The following MYLK4 variants were observed in gnomAD, a reference collection of about 807,000 sequenced individuals.
MYLK4 encodes the protein myosin light chain kinase family member 4.
A neutral mutation model predicts 48.1 loss-of-function variants in MYLK4; 46 were observed. The ratio of observed to expected loss-of-function variants is 0.96; its 90% CI spans 0.75 to 1.22. The LOEUF is 1.22. MYLK4 is among the 50% of genes most tolerant of loss of function. MYLK4 has a pLI of 0.00. For synonymous variants in MYLK4, 170 were observed against 180.8 expected (o/e 0.94, Z 0.48); for missense variants, 451 against 486.1 (o/e 0.93, Z 0.68).
At position 2,732,198 on chromosome 6, in the gene MYLK4, A is replaced by G. The variant is rs113780878; in HGVS notation, c.159+16938T>C. On this transcript the variant is annotated intron_variant, in intron 2 of 12. Transcript: ENST00000274643. ...ATAAGCTTCTGGAGTGATGGTAACA[A>G]TACCATTAATAATGATTTTAGCTAC... Among the ~76,000 whole-genome samples, 94 of 152,316 alleles carry G rather than the reference A, an allele frequency of 6.2e-4. No individual in the cohort carries two copies. The Middle Eastern group carries it at 0.014, about 22-fold the overall frequency.
chr6:2,699,274 T>C (rs756467987), intron 2 of MYLK4, among the ~76,000 whole-genome samples: 38 of 100,036 alleles, frequency 3.8e-4, no homozygotes, highest in Non-Finnish European at 6.3e-4. Context: ...TGCTACCACT[T>C]TTCTTTTCTT....
intron 2 of MYLK4, among the ~76,000 whole-genome samples, chr6:2,711,152 C>T (rs1265746666): frequency 2.6e-5 from 4 of 152,192 alleles, no homozygotes; most frequent in Non-Finnish European, 4.4e-5. Context: ...AACTGCTGCT[C>T]AGGTTCATAT....
Position 2,685,341 on chromosome 6 carries a change from T to C in MYLK4, c.500A>G (p.Tyr167Cys), listed in dbSNP as rs752078679. The C allele has an allele frequency of 6.2e-7, 1 of 1,613,602 alleles. No individual in the cohort carries two copies. The highest frequency in any genetic ancestry group is 8.5e-7 in the Non-Finnish European group (1 of 1,179,812). ...QLDHANLIQL[Y>C]DAFESKNDIV... ...GTCGTTCTTAGACTCGAAGGCATCG[T>C]ACAGCTGGATGAGGTTCGCGTGGTC... Residue 167 changes from tyrosine to cysteine, a missense_variant, in exon 6 of 13, where the codon TAC becomes TGC. By Grantham distance (194) the Tyr-to-Cys change is radical (BLOSUM62 -2). Transcript: ENST00000274643. The surrounding 1 kb of genome is among the most constrained non-coding windows in gnomAD (Gnocchi z 4.5).
intron 2 of MYLK4, among the ~76,000 whole-genome samples, chr6:2,723,596 A>G (rs979585593): frequency 6.6e-6 from 1 of 152,176 alleles, no homozygotes; most frequent in Non-Finnish European, 1.5e-5. Context: ...TCAATTTTCC[A>G]TATTTCCTTT....
intron 2 of MYLK4, among the ~76,000 whole-genome samples, chr6:2,723,202 G>A (rs1350305438): frequency 1.3e-5 from 2 of 152,178 alleles, no homozygotes; most frequent in East Asian, 1.9e-4. Flanking sequence ...CTGAGGTGCA[G>A]TGATCACTTG....
intron 11 of MYLK4, among the ~76,000 whole-genome samples, chr6:2,674,402 T>A (rs1256441228): frequency 6.6e-6 from 1 of 152,196 alleles, no homozygotes; most frequent in Non-Finnish European, 1.5e-5. Flanking sequence ...GAATGAACAT[T>A]ACTATATATT....
intron 7 of MYLK4, among the ~76,000 whole-genome samples, chr6:2,681,865 C>A (rs1194803033): frequency 6.6e-6 from 1 of 152,230 alleles, no homozygotes; most frequent in Non-Finnish European, 1.5e-5. Flanking sequence ...GCTCCTAGTT[C>A]CAGTTGCCAA....
At chr6:2,766,354 G>A in the MYLK4 span, 1 of 1,610,484 alleles carries the variant, frequency 6.2e-7, no homozygotes, top group Non-Finnish European at 8.5e-7. Flanking sequence ...GGCAGAGCAA[G>A]GCCGTGGGCC....
At chr6:2,746,083 T>G (rs1257891267) in intron 2 of MYLK4, among the ~76,000 whole-genome samples, 1 of 147,650 alleles carries the variant, frequency 6.8e-6, no homozygotes, top group Non-Finnish European at 1.5e-5. Flanking sequence ...AAACCCCGTC[T>G]CTACTAAAAA....
chr6:2,762,538 T>G, the MYLK4 span, among the ~76,000 whole-genome samples: 4 of 152,258 alleles, frequency 2.6e-5, no homozygotes, highest in Admixed American at 2.0e-4. Context: ...CAGTGTACTG[T>G]ATTTCCACAT....
At chr6:2,683,270 A>ATGTGC in intron 6 of MYLK4, 108 bp from the exon 7 acceptor site, 1 of 1,191,270 alleles carries the variant, frequency 8.4e-7, no homozygotes, top group Non-Finnish European at 1.2e-6. Flanking sequence ...TGAAAGGTGT[A>ATGTGC]TGTGCAGTTA....
chr6:2,762,964 G>A, the MYLK4 span, among the ~76,000 whole-genome samples: 15 of 152,132 alleles, frequency 9.9e-5, no homozygotes, highest in East Asian at 3.9e-4. Context: ...ACCAGCTAAT[G>A]CAAAAAATAA....
chr6:2,749,216 A>G lies in MYLK4; in HGVS notation c.79T>C (p.Cys27Arg). ...NQLEKMAFFQ[C>R]REEVEKVKCF... ...TTCACTTTCTCCACCTCTTCCCTGCACTGAAAAAAGGCCATTTTCTCCAGC... is the reference window on the plus strand; with the variant it reads ...TTCACTTTCTCCACCTCTTCCCTGCGCTGAAAAAAGGCCATTTTCTCCAGC... Residue 27 changes from cysteine to arginine, a missense_variant, in exon 2 of 13, where the codon TGC becomes CGC. Coordinates refer to ENST00000274643, the MANE Select transcript of MYLK4 (RefSeq NM_001012418.5). The G allele has an allele frequency of 1.9e-6, 3 of 1,614,112 alleles. No homozygotes were observed. The highest frequency in any genetic ancestry group is 1.7e-6 in the Non-Finnish European group (2 of 1,179,974).
chr6:2,741,583 A>G (rs2326028), intron 2 of MYLK4, among the ~76,000 whole-genome samples: 138,264 of 152,260 alleles, frequency 0.91, 62,922 homozygotes, highest in East Asian at 1. Context: ...TATAGAGCAC[A>G]TTCATATCAT....
intron 12 of MYLK4, among the ~76,000 whole-genome samples, chr6:2,670,040 C>T (rs1221857525): frequency 2.0e-5 from 3 of 152,122 alleles, no homozygotes; most frequent in Non-Finnish European, 2.9e-5. Context: ...ATGCAAAAAC[C>T]TCAGGCCCAG....
the MYLK4 span, chr6:2,765,485 T>G: frequency 8.9e-7 from 1 of 1,129,420 alleles, no homozygotes; most frequent in South Asian, 3.1e-5. Context: ...AGCGGCGCCC[T>G]CCTCCGGCCC....
chr6:2,733,436 G>T (rs1763549246), intron 2 of MYLK4, among the ~76,000 whole-genome samples: 2 of 152,128 alleles, frequency 1.3e-5, no homozygotes, highest in African/African-American at 4.8e-5. Context: ...AATGGGAGGA[G>T]CTAGAAACTC....
chr6:2,692,765 A>G lies in MYLK4; in HGVS notation c.235+19T>C. On this transcript the variant is annotated intron_variant, in intron 3 of 12. Transcript: ENST00000274643. ...GAACTTTCTTCATCCATAACTATCT[A>G]CTTTTCTAAAGATGTTACCTGCGAG... 1 of 1,610,022 alleles carries G rather than the reference A, an allele frequency of 6.2e-7. No individual in the cohort carries two copies. Among genetic ancestry groups the G allele is most frequent in the African/African-American group, 1.3e-5 (1 of 74,822 alleles).
chr6:2,769,978 T>A, the MYLK4 span: 1 of 1,207,706 alleles, frequency 8.3e-7, no homozygotes. Flanking sequence ...GCATCTATAT[T>A]CAGTGAATAT....
Sources: allele counts gnomAD v4.1 joint callset (sites outside exome capture counted in the v4.1 genomes callset), GRCh38; gene constraint gnomAD v4.1.1; non-coding constraint Gnocchi (gnomAD v3.1); transcripts MANE v1.5; gene names NCBI Gene and HGNC (gene_info 2026-07-23, HGNC 2026-07-21).